Variants in BTBD9 observed in about 807,000 individuals in gnomAD.
BTBD9 encodes the protein BTB domain containing 9, also known as BTB/POZ domain-containing protein 9.
In BTBD9, 49 loss-of-function variants were observed where a neutral mutation model predicts 64.3. The observed-to-expected ratio is 0.76, with a 90% CI of 0.61 to 0.97. BTBD9 has a LOEUF of 0.97. Ranked by LOEUF, BTBD9 falls within the 50% of genes least tolerant of loss-of-function variation. BTBD9 has a pLI of 0.00. For missense variants in BTBD9, 598 were observed against 762.1 expected (o/e 0.78, Z 2.53); for synonymous variants, 260 against 274.7 (o/e 0.95, Z 0.53).
chr6:38,594,217 C>T lies in BTBD9; in HGVS notation c.296G>A (p.Arg99Gln), dbSNP rs755726517. The T allele has an allele frequency of 6.4e-5, 104 of 1,614,012 alleles. 1 individual carries two copies. Among genetic ancestry groups the T allele is most frequent in the Non-Finnish European group, 8.1e-5 (96 of 1,180,030 alleles). The change falls in exon 3 of 11, where the codon CGG (arginine) becomes CAG (glutamine). Residue 99 changes from arginine (R) to glutamine (Q), a missense_variant. By Grantham distance (43) the Arg-to-Gln change is conservative. Transcript: ENST00000481247. ...CTCCTTCTCATCTGTCAGCGTTGCCCGCCCAGTGTAGATATATTTGAGTAG... is the reference window on the plus strand; with the variant it reads ...CTCCTTCTCATCTGTCAGCGTTGCCTGCCCAGTGTAGATATATTTGAGTAG... ...TMLLKYIYTG[R>Q]ATLTDEKEEV...
intron 6 of BTBD9, among the ~76,000 whole-genome samples, chr6:38,553,745 TGGGAGGCTGAGGTGG>T (rs1290787405): frequency 6.6e-6 from 1 of 152,016 alleles, no homozygotes. Flanking sequence ...CCCAGCTACT[TGGGAGGCTGAGGTGG>T]GAAGATCAGT....
intron 6 of BTBD9, among the ~76,000 whole-genome samples, chr6:38,457,677 GGA>G (rs1198867947): frequency 6.6e-6 from 1 of 152,076 alleles, no homozygotes; most frequent in Non-Finnish European, 1.5e-5. Flanking sequence ...AGAACACAAG[GGA>G]GAGAGGCCTG....
At chr6:38,221,691 T>G (rs1763201215) in intron 9 of BTBD9, among the ~76,000 whole-genome samples, 1 of 152,232 alleles carries the variant, frequency 6.6e-6, no homozygotes, top group Non-Finnish European at 1.5e-5. Context: ...AGCAATGCTG[T>G]AAGAGATATG....
rs117254104 is a variant in BTBD9 at position 38,255,927 on chromosome 6, G to C, written c.1562+482C>G. ...ACACTGGGGCCTGTCGTGGGGTTGG[G>C]GGGGTAGGAGAGGGATAGCATTAAG... On this transcript the variant is annotated intron_variant, in intron 9 of 10. Coordinates refer to ENST00000481247, the MANE Select transcript of BTBD9 (RefSeq NM_001099272.2). 4.3e-4 allele frequency among the ~76,000 whole-genome samples: 66 copies of C among 152,240 alleles called. No individual in the cohort carries two copies. In the East Asian group the frequency reaches 0.012, roughly 28 times the overall value.
chr6:38,426,502 C>T (rs1314794242), intron 6 of BTBD9, among the ~76,000 whole-genome samples: 2 of 151,838 alleles, frequency 1.3e-5, no homozygotes, highest in Non-Finnish European at 2.9e-5. Context: ...TGTTAGGGCT[C>T]GAGCTGAGCT....
At chr6:38,577,488 G>T in intron 6 of BTBD9, 112 bp downstream of exon 6, 2 of 1,073,422 alleles carry the variant, frequency 1.9e-6, no homozygotes, top group Non-Finnish European at 2.7e-6. Context: ...ATGTTTAGTA[G>T]TTGACATCCT....
chr6:38,570,796 A>T (rs1562355638), intron 6 of BTBD9, among the ~76,000 whole-genome samples: 1 of 152,224 alleles, frequency 6.6e-6, no homozygotes, highest in Non-Finnish European at 1.5e-5. Flanking sequence ...GACTTTGGAC[A>T]TAATTAACGC....
At chr6:38,327,831 A>G (rs1316732592) in intron 7 of BTBD9, among the ~76,000 whole-genome samples, 1 of 152,210 alleles carries the variant, frequency 6.6e-6, no homozygotes, top group Non-Finnish European at 1.5e-5. Flanking sequence ...TCTATCATCT[A>G]GATTCTCAAC....
chr6:38,176,674 T>C (rs917861057), intron 10 of BTBD9, among the ~76,000 whole-genome samples: 1 of 152,148 alleles, frequency 6.6e-6, no homozygotes, highest in Non-Finnish European at 1.5e-5. Context: ...GGGAAGGCCT[T>C]ATGTGGAGAT....
At chr6:38,253,444 G>C (rs1764468548) in intron 9 of BTBD9, among the ~76,000 whole-genome samples, 1 of 152,102 alleles carries the variant, frequency 6.6e-6, no homozygotes, top group African/African-American at 2.4e-5. Flanking sequence ...CCATGATCCA[G>C]TCACCTCCCT....
At chr6:38,583,923 G>T (rs968729920) in intron 4 of BTBD9, among the ~76,000 whole-genome samples, 10 of 152,006 alleles carry the variant, frequency 6.6e-5, no homozygotes, top group African/African-American at 2.4e-4. Context: ...GAATATAATA[G>T]GAAGAATCAT....
chr6:38,585,334 G>C (rs1265867943), intron 4 of BTBD9, among the ~76,000 whole-genome samples: 5 of 152,128 alleles, frequency 3.3e-5, no homozygotes, highest in South Asian at 4.1e-4. Flanking sequence ...TTAGAGACAG[G>C]TTCTTGCTCT....
At chr6:38,287,942 C>A (rs1425391556) in intron 8 of BTBD9, among the ~76,000 whole-genome samples, 2 of 152,172 alleles carry the variant, frequency 1.3e-5, no homozygotes, top group Admixed American at 1.3e-4. Flanking sequence ...AATGATTTTT[C>A]ATTCTATATA....
At chr6:38,274,362 A>G (rs1183724370) in intron 8 of BTBD9, among the ~76,000 whole-genome samples, 1 of 152,072 alleles carries the variant, frequency 6.6e-6, no homozygotes, top group Non-Finnish European at 1.5e-5. Context: ...CTAATTGAAT[A>G]CCCTTTATTT....
At chr6:38,408,703 T>C (rs1319446127) in intron 6 of BTBD9, among the ~76,000 whole-genome samples, 1 of 152,122 alleles carries the variant, frequency 6.6e-6, no homozygotes, top group Admixed American at 6.5e-5. Context: ...AAAAAAAGAA[T>C]ATATGCAAAG....
intron 9 of BTBD9, among the ~76,000 whole-genome samples, chr6:38,223,057 C>G (rs1763270725): frequency 6.6e-6 from 1 of 152,134 alleles, no homozygotes. Context: ...AGGTTCCTGC[C>G]ACCACGCCTG....
intron 1 of BTBD9, among the ~76,000 whole-genome samples, chr6:38,616,906 G>C (rs919944322): frequency 2.0e-5 from 3 of 152,156 alleles, no homozygotes; most frequent in African/African-American, 7.2e-5. Flanking sequence ...CATTATTGAA[G>C]TCAGTGAGAC....
chr6:38,398,820 A>C (rs1766804265), intron 6 of BTBD9, among the ~76,000 whole-genome samples: 1 of 152,150 alleles, frequency 6.6e-6, no homozygotes, highest in Non-Finnish European at 1.5e-5. Context: ...ATAATTATTT[A>C]ATTTAATTTA....
chr6:38,395,772 T>C (rs919010676), intron 6 of BTBD9, among the ~76,000 whole-genome samples: 1 of 151,470 alleles, frequency 6.6e-6, no homozygotes, highest in Non-Finnish European at 1.5e-5. Flanking sequence ...TGCAGCGGTG[T>C]GATCTCGGCT....
Sources: gnomAD v4.1 joint callset for allele counts (sites outside exome capture counted in the v4.1 genomes callset) on GRCh38, gnomAD v4.1.1 for gene constraint, MANE v1.5 for transcripts, NCBI Gene and HGNC (gene_info 2026-07-23, HGNC 2026-07-21) for gene names.